The following PIGY variants were observed in gnomAD, a reference collection of about 807,000 sequenced individuals.
PIGY encodes phosphatidylinositol N-acetylglucosaminyltransferase subunit Y.
A neutral mutation model predicts 4.1 loss-of-function variants in PIGY; 3 were observed. The observed-to-expected ratio is 0.73, with a 90% CI of 0.33 to 1.89. The LOEUF (loss-of-function observed/expected upper bound fraction) is 1.89, where lower values mean the gene tolerates loss of function less well. Among genes scored for constraint, PIGY ranks in the 40% most tolerant of loss-of-function variants. PIGY has a pLI of 0.08. For missense variants in PIGY, 78 were observed against 80.3 expected, an observed-to-expected ratio of 0.97 and a Z score of 0.11; for synonymous variants, 33 against 31.4, an observed-to-expected ratio of 1.05 and a Z score of -0.18.
chr4:88,521,149 T>C lies in PIGY; in HGVS notation c.*425A>G. 6.3e-6 allele frequency: 1 copy of C among 158,438 alleles called. No individual in the cohort carries two copies. The highest frequency in any genetic ancestry group is 1.9e-4 in the East Asian group (1 of 5,404). The allele number at this position is 158,438 out of a possible 1,614,324, so 9.8% of individuals were successfully genotyped here. On this transcript the variant is annotated 3_prime_UTR_variant, in exon 2 of 2. Transcript: ENST00000527353. ...TTTATATCACATTCGTTCAAATGCATTTCTCTCCCTTAGAGGGACTATTCC... is the reference window on the plus strand; with the variant it reads ...TTTATATCACATTCGTTCAAATGCACTTCTCTCCCTTAGAGGGACTATTCC...
rs1238427703 is a variant in PIGY, at chr4:88,521,031, T to C, written c.*543A>G. ...TTATAGGAAAGTGTCAACATGTTTA[T>C]TGCTAATATAAGCATTTAATGTCAA... On this transcript the variant is annotated 3_prime_UTR_variant, in exon 2 of 2. Transcript: ENST00000527353. 3 of 153,528 alleles carry C rather than the reference T, an allele frequency of 2.0e-5. No individual in the cohort carries two copies. Among genetic ancestry groups the C allele is most frequent in the East Asian group, 3.8e-4 (2 of 5,206 alleles). The allele number at this position is 153,528 out of a possible 1,614,324, so 9.5% of individuals were successfully genotyped here. A position where few individuals can be genotyped will look rare whatever the true frequency, so the allele number is the denominator to read the frequency against.
rs1742463530 is a variant in PIGY, at chr4:88,523,580, TG to T, written c.-324del. On this transcript the variant is annotated 5_prime_UTR_variant, in exon 1 of 2. It introduces an in-frame stop codon into an upstream open reading frame of the 5' UTR. Transcript: ENST00000527353. Reference sequence around the variant, plus strand: ...TCGCGGGGCGGCTCCTCAGTCTTCTTGCCCCGGTCGGCCAAAGGCCGCGACC... The same window carrying T: ...TCGCGGGGCGGCTCCTCAGTCTTCTTCCCCGGTCGGCCAAAGGCCGCGACC... 6.5e-7 allele frequency: 1 copy of T among 1,550,196 alleles called. No homozygotes were observed. The highest frequency in any genetic ancestry group is 8.7e-7 in the Non-Finnish European group (1 of 1,146,804).
rs1742382209 is a variant in PIGY, at chr4:88,521,904, T to A, written c.-115A>T. ...AATTATGAACTAGCGCTGCTCCACT[T>A]CTTCTTGCTTCTTACTTTGACGTGT... On this transcript the variant is annotated 5_prime_UTR_variant, in exon 2 of 2. Coordinates refer to ENST00000527353, the MANE Select transcript of PIGY (RefSeq NM_001042616.3). 2 of 1,550,564 alleles carry A rather than the reference T, an allele frequency of 1.3e-6. No individual in the cohort carries two copies. Among genetic ancestry groups the A allele is most frequent in the Non-Finnish European group, 1.7e-6 (2 of 1,146,724 alleles).
At position 88,523,361 on chromosome 4, in the gene PIGY, G is replaced by C. The variant is rs376458664; in HGVS notation, c.-241+137C>G. Reference sequence around the variant, plus strand: ...GTCCTGCCCGCTGTGCGCCCGGCGAGGACAGAGTCCAGAATGTGGCAGCGG... The same window carrying C: ...GTCCTGCCCGCTGTGCGCCCGGCGACGACAGAGTCCAGAATGTGGCAGCGG... On this transcript the variant is annotated intron_variant, in intron 1 of 1. Transcript: ENST00000527353. 64 of 909,820 alleles carry C rather than the reference G, an allele frequency of 7.0e-5. No homozygotes were observed. The East Asian group carries it at 1.4e-3, about 20-fold the overall frequency. The allele number at this position is 909,820 out of a possible 1,614,324, so 56.4% of individuals were successfully genotyped here.
chr4:88,521,768 A>G lies in PIGY; in HGVS notation c.22T>C (p.Leu8=). The change falls in exon 2 of 2, where the codon TTG becomes CTG. Residue 8 remains leucine, a synonymous_variant. Transcript: ENST00000527353. ...GAAACCAGTGGAATAAGAACAGTCA[A>G]CGTAGGAAGAGACAGAAACATTCTT... MFLSLPT[L]TVLIPLVSLA... The G allele has an allele frequency of 2.5e-6, 4 of 1,612,704 alleles. No homozygotes were observed. In the South Asian group the frequency reaches 3.3e-5, roughly 13 times the overall value.
rs534363567 is a variant in PIGY at position 88,522,296 on chromosome 4, A to G, written c.-240-267T>C. On this transcript the variant is annotated intron_variant, in intron 1 of 1. Transcript: ENST00000527353. The stretch of plus-strand genomic sequence containing the variant: ...ACAAGTTATTCCTTAATTTTTTTTC[A>G]TACTAGTCAGAAAAGATCCCCCTCT... 4.1e-4 allele frequency among the ~76,000 whole-genome samples: 63 copies of G among 152,102 alleles called. 1 individual carries two copies. The highest frequency in any genetic ancestry group is 1.5e-3 in the African/African-American group (61 of 41,460).
chr4:88,521,712 C>T lies in PIGY; in HGVS notation c.78G>A (p.Val26=). 6.2e-7 allele frequency: 1 copy of T among 1,613,922 alleles called. No homozygotes were observed. The highest frequency in any genetic ancestry group is 8.5e-7 in the Non-Finnish European group (1 of 1,179,856). ...SLAGLFYSAS[V]EENFPQGCTS... ...TGCAGCCCTGTGGGAAGTTTTCTTC[C>T]ACAGAGGCTGAGTAGAACAGTCCTG... The change falls in exon 2 of 2, where the codon GTG becomes GTA. Residue 26 remains valine, a synonymous_variant. Transcript: ENST00000527353.
rs917373732 is a variant in PIGY at position 88,523,564 on chromosome 4, G to C, written c.-307C>G. On this transcript the variant is annotated 5_prime_UTR_variant, in exon 1 of 2. Coordinates refer to ENST00000527353, the MANE Select transcript of PIGY (RefSeq NM_001042616.3). Reference sequence around the variant, plus strand: ...CAGCGCCGGATCGAAGTCGCGGGGCGGCTCCTCAGTCTTCTTGCCCCGGTC... The same window carrying C: ...CAGCGCCGGATCGAAGTCGCGGGGCCGCTCCTCAGTCTTCTTGCCCCGGTC... The C allele has an allele frequency of 6.4e-7, 1 of 1,550,794 alleles. No individual in the cohort carries two copies.
At chr4:88,522,714 T>G (rs1742414805) in intron 1 of PIGY, among the ~76,000 whole-genome samples, 1 of 152,200 alleles carries the variant, frequency 6.6e-6, no homozygotes, top group East Asian at 1.9e-4. Flanking sequence ...TATTCAATTT[T>G]GGTAGCTTGG....
chr4:88,521,779 G>A lies in PIGY; in HGVS notation c.11C>T (p.Ser4Phe), dbSNP rs1239169122. The A allele has an allele frequency of 1.8e-5, 29 of 1,611,452 alleles. No individual in the cohort carries two copies. Among genetic ancestry groups the A allele is most frequent in the Non-Finnish European group, 2.1e-5 (25 of 1,178,452 alleles). Residue 4 changes from serine (S) to phenylalanine (F), a missense_variant, in exon 2 of 2, where the codon TCT becomes TTT. Ser to Phe is a radical substitution (Grantham distance 155). Coordinates refer to ENST00000527353, the MANE Select transcript of PIGY (RefSeq NM_001042616.3). MFLSLPTLTVLIPL... is the reference protein window; with the variant it reads MFLFLPTLTVLIPL... ...AATAAGAACAGTCAACGTAGGAAGA[G>A]ACAGAAACATTCTTCTCTTCCACTT...
Position 88,521,283 on chromosome 4 carries a change from T to A in PIGY, c.*291A>T, listed in dbSNP as rs2149117091. 3.0e-6 allele frequency: 1 copy of A among 337,748 alleles called. No individual in the cohort carries two copies. The highest frequency in any genetic ancestry group is 5.4e-6 in the Non-Finnish European group (1 of 183,504). 20.9% of individuals were successfully genotyped at this position (337,748 alleles called of 1,614,324 possible). On this transcript the variant is annotated 3_prime_UTR_variant, in exon 2 of 2. Coordinates refer to ENST00000527353, the MANE Select transcript of PIGY (RefSeq NM_001042616.3). ...AAAATTTCAATGACTCTTAGATGAATGGAATAAGAAATAGTCATCACATGT... is the reference window on the plus strand; with the variant it reads ...AAAATTTCAATGACTCTTAGATGAAAGGAATAAGAAATAGTCATCACATGT...
chr4:88,521,176 A>G lies in PIGY; in HGVS notation c.*398T>C. 5.6e-6 allele frequency: 1 copy of G among 179,540 alleles called. No homozygotes were observed. The highest frequency in any genetic ancestry group is 1.3e-4 in the South Asian group (1 of 7,716). The allele number at this position is 179,540 out of a possible 1,614,324, so 11.1% of individuals were successfully genotyped here. ...TCTCTCCCTTAGAGGGACTATTCCA[A>G]CATCACTCCTTTGGAATTATTTCAG... On this transcript the variant is annotated 3_prime_UTR_variant, in exon 2 of 2. Transcript: ENST00000527353.
At chr4:88,523,178 T>C (rs1286610891) in intron 1 of PIGY, among the ~76,000 whole-genome samples, 1 of 152,066 alleles carries the variant, frequency 6.6e-6, no homozygotes, top group African/African-American at 2.4e-5. Flanking sequence ...TCTGCCCGTC[T>C]TGGGGGCTGT....
chr4:88,522,627 A>C (rs1319112630), intron 1 of PIGY, among the ~76,000 whole-genome samples: 5 of 152,230 alleles, frequency 3.3e-5, no homozygotes, highest in Admixed American at 3.3e-4. Flanking sequence ...AATTGCTAGC[A>C]ATCTACCATT....
Position 88,523,547 on chromosome 4 carries a change from G to C in PIGY, c.-290C>G, listed in dbSNP as rs1295892874. 6.4e-7 allele frequency: 1 copy of C among 1,551,122 alleles called. No individual in the cohort carries two copies. Among genetic ancestry groups the C allele is most frequent in the Admixed American group, 2.0e-5 (1 of 51,014 alleles). On this transcript the variant is annotated 5_prime_UTR_variant, in exon 1 of 2. The change creates a new upstream start codon in the 5' untranslated region. Coordinates refer to ENST00000527353, the MANE Select transcript of PIGY (RefSeq NM_001042616.3). ...CACACCAGGAACTCCAGCAGCGCCGGATCGAAGTCGCGGGGCGGCTCCTCA... is the reference window on the plus strand; with the variant it reads ...CACACCAGGAACTCCAGCAGCGCCGCATCGAAGTCGCGGGGCGGCTCCTCA...
intron 1 of PIGY, 101 bp from the exon 2 acceptor site, chr4:88,522,130 G>A (rs1186265789): frequency 1.0e-5 from 11 of 1,098,062 alleles, no homozygotes; most frequent in East Asian, 2.6e-5. Flanking sequence ...TTTTTGGTAC[G>A]GAGTTAATCC....
Position 88,521,980 on chromosome 4 carries a change from A to G in PIGY, c.-191T>C, listed in dbSNP as rs796642470. On this transcript the variant is annotated 5_prime_UTR_variant, in exon 2 of 2. Transcript: ENST00000527353. ...TTAGGGATCCCATCAATGATTGGATAAGCTATTCCCAACTCTTCATTAATC... is the reference window on the plus strand; with the variant it reads ...TTAGGGATCCCATCAATGATTGGATGAGCTATTCCCAACTCTTCATTAATC... 3.2e-6 allele frequency: 5 copies of G among 1,550,708 alleles called. No homozygotes were observed. Among genetic ancestry groups the G allele is most frequent in the African/African-American group, 2.7e-5 (2 of 73,148 alleles).
rs758334351 is a variant in PIGY, at chr4:88,523,659, C to T, written c.-402G>A. On this transcript the variant is annotated 5_prime_UTR_variant, in exon 1 of 2. Coordinates refer to ENST00000527353, the MANE Select transcript of PIGY (RefSeq NM_001042616.3). Reference sequence around the variant, plus strand: ...CCGCGGACGGCGGCGCGCGCGTTCCCCGCAGCGCTGAGGCGAGCCTGCAGC... The same window carrying T: ...CCGCGGACGGCGGCGCGCGCGTTCCTCGCAGCGCTGAGGCGAGCCTGCAGC... 13 of 1,534,788 alleles carry T rather than the reference C, an allele frequency of 8.5e-6. No individual in the cohort carries two copies. The highest frequency in any genetic ancestry group is 6.0e-5 in the South Asian group (5 of 82,806).
At chr4:88,523,426 G>C in intron 1 of PIGY, 72 bp downstream of exon 1, 1 of 1,494,268 alleles carries the variant, frequency 6.7e-7, no homozygotes. Context: ...GTGGCTGCAA[G>C]AGGCCGCGGT....
Sources: gnomAD v4.1 joint callset for allele counts (sites outside exome capture counted in the v4.1 genomes callset) on GRCh38, gnomAD v4.1.1 for gene constraint, MANE v1.5 for transcripts, NCBI Gene and HGNC (gene_info 2026-07-23, HGNC 2026-07-21) for gene names.